The following PARD3 variants were observed in gnomAD, a reference collection of about 807,000 sequenced individuals.
PARD3 encodes par-3 family cell polarity regulator, also known as partitioning defective 3 homolog.
In PARD3, 75 loss-of-function variants were observed where a neutral mutation model predicts 155.4. The observed-to-expected ratio is 0.48, with a 90% confidence interval of 0.40 to 0.58. PARD3 has a LOEUF of 0.58. PARD3 is among the 20% of genes least tolerant of loss of function. PARD3 has a pLI of 0.00. For synonymous variants in PARD3, 576 were observed against 610.5 expected, an observed-to-expected ratio of 0.94 and a Z score of 0.83; for missense variants, 1,642 against 1,721.7, an observed-to-expected ratio of 0.95 and a Z score of 0.82.
At chr10:34,681,096 G>A (rs74847050) in intron 2 of PARD3, among the ~76,000 whole-genome samples, 3,110 of 152,010 alleles carry the variant, frequency 0.02, 106 homozygotes, top group African/African-American at 0.071. Context: ...AGTGTTATAC[G>A]ATGCAATATT....
intron 1 of PARD3, among the ~76,000 whole-genome samples, chr10:34,749,881 G>A (rs567473319): frequency 1.3e-5 from 2 of 152,190 alleles, no homozygotes; most frequent in East Asian, 1.9e-4. Context: ...AGTTAGCTAG[G>A]TGTGGTGGTG....
intron 2 of PARD3, among the ~76,000 whole-genome samples, chr10:34,655,329 A>C (rs2093136082): frequency 6.6e-6 from 1 of 152,058 alleles, no homozygotes; most frequent in East Asian, 1.9e-4. Flanking sequence ...TTTGTCTATA[A>C]ATTGTTCTAG....
intron 12 of PARD3, among the ~76,000 whole-genome samples, chr10:34,363,935 G>T (rs1282466949): frequency 6.6e-6 from 1 of 152,148 alleles, no homozygotes; most frequent in Non-Finnish European, 1.5e-5. Context: ...TGCTGAATGG[G>T]TATTGTGAAA....
intron 2 of PARD3, among the ~76,000 whole-genome samples, chr10:34,633,542 A>C (rs552708350): frequency 2.0e-5 from 3 of 152,306 alleles, no homozygotes; most frequent in Admixed American, 6.5e-5. Context: ...TTTATGACTG[A>C]CTAGTACTGC....
intron 2 of PARD3, among the ~76,000 whole-genome samples, chr10:34,591,857 C>T (rs2088725947): frequency 6.6e-6 from 1 of 152,124 alleles, no homozygotes; most frequent in Non-Finnish European, 1.5e-5. Flanking sequence ...CTAAACATGC[C>T]AGCTTCTGGG....
intron 22 of PARD3, among the ~76,000 whole-genome samples, chr10:34,135,754 T>A (rs1947861207): frequency 6.6e-6 from 1 of 152,196 alleles, no homozygotes. Context: ...CTATATGCAC[T>A]GTGTATATGA....
At chr10:34,606,462 G>T (rs1208790577) in intron 2 of PARD3, among the ~76,000 whole-genome samples, 3 of 151,662 alleles carry the variant, frequency 2.0e-5, no homozygotes, top group Non-Finnish European at 4.4e-5. Flanking sequence ...TGGTTGGTTG[G>T]TTTTTTCTGG....
At chr10:34,738,252 C>T (rs1366458920) in intron 1 of PARD3, among the ~76,000 whole-genome samples, 1 of 152,284 alleles carries the variant, frequency 6.6e-6, no homozygotes, top group East Asian at 1.9e-4. Flanking sequence ...AATAAGATAG[C>T]TGGAGGGAAT....
intron 3 of PARD3, among the ~76,000 whole-genome samples, chr10:34,485,049 A>G (rs554959491): frequency 1.3e-5 from 2 of 152,268 alleles, no homozygotes; most frequent in African/African-American, 4.8e-5. Context: ...ATCAATTTAG[A>G]AGTTTAGGCC....
chr10:34,179,631 A>G (rs1950184396), intron 22 of PARD3, among the ~76,000 whole-genome samples: 1 of 152,218 alleles, frequency 6.6e-6, no homozygotes, highest in Non-Finnish European at 1.5e-5. Flanking sequence ...TGCACAACTC[A>G]TACCAAATAC....
chr10:34,145,240 T>TTTTC (rs1227749914), intron 22 of PARD3, among the ~76,000 whole-genome samples: 1 of 124,812 alleles, frequency 8.0e-6, no homozygotes, highest in Non-Finnish European at 1.7e-5. Context: ...TTTTTTTTTT[T>TTTTC]TACAGGATCT....
At chr10:34,419,105 T>G (rs1246986756) in intron 5 of PARD3, among the ~76,000 whole-genome samples, 1 of 152,084 alleles carries the variant, frequency 6.6e-6, no homozygotes, top group African/African-American at 2.4e-5. Flanking sequence ...CATGTGTTCA[T>G]AAAATTAAAT....
chr10:34,764,841 T>C (rs999872238), intron 1 of PARD3, among the ~76,000 whole-genome samples: 1 of 152,314 alleles, frequency 6.6e-6, no homozygotes, highest in Non-Finnish European at 1.5e-5. Flanking sequence ...CCTGGCTGTC[T>C]TGTGTTTCTC....
At chr10:34,187,253 C>A (rs923194518) in intron 22 of PARD3, among the ~76,000 whole-genome samples, 2 of 152,156 alleles carry the variant, frequency 1.3e-5, no homozygotes, top group Admixed American at 1.3e-4. Context: ...GAGTACTGGG[C>A]AAGAAGTATA....
At chr10:34,720,294 G>A (rs565919010) in intron 1 of PARD3, among the ~76,000 whole-genome samples, 1 of 152,084 alleles carries the variant, frequency 6.6e-6, no homozygotes, top group East Asian at 1.9e-4. Flanking sequence ...AATTAGCCAG[G>A]TGTGGTGGTG....
chr10:34,779,989 C>T (rs539734800), intron 1 of PARD3, among the ~76,000 whole-genome samples: 86 of 152,290 alleles, frequency 5.6e-4, no homozygotes, highest in African/African-American at 1.8e-3. Context: ...CCGAGTGGCA[C>T]CTGAAATCAA....
At chr10:34,649,560 C>A (rs2092944715) in intron 2 of PARD3, among the ~76,000 whole-genome samples, 1 of 152,244 alleles carries the variant, frequency 6.6e-6, no homozygotes. Flanking sequence ...CCATGCAGGG[C>A]ACTCACCATG....
At position 34,439,394 on chromosome 10, in the gene PARD3, GA is replaced by G. The variant is rs955898869; in HGVS notation, c.714+10922del. Among the ~76,000 whole-genome samples, 519 of 138,912 alleles carry G rather than the reference GA, an allele frequency of 3.7e-3. 1 individual carries two copies. Among genetic ancestry groups the G allele is most frequent in the African/African-American group, 0.012 (462 of 37,972 alleles). 91.1% of individuals were successfully genotyped at this position (138,912 alleles called of 152,430 possible). ...AATTTGGAAATGACAGTAACTTGCA[GA>G]AAAAAAAAAAAGCTCAGTCTTCCAA... On this transcript the variant is annotated intron_variant, in intron 5 of 24. Transcript: ENST00000374788.
At position 34,277,143 on chromosome 10, in the gene PARD3, T is replaced by A. The variant is rs568772063; in HGVS notation, c.3176+6992A>T. 3.3e-5 allele frequency among the ~76,000 whole-genome samples: 5 copies of A among 152,258 alleles called. No individual in the cohort carries two copies. In the South Asian group the frequency reaches 8.3e-4, roughly 25 times the overall value. On this transcript the variant is annotated intron_variant, in intron 21 of 24. Transcript: ENST00000374788. Reference sequence around the variant, plus strand: ...GATCTTTTTCCAACAGTATTTCTTCTCTCAAAAAGTCAGTATTACAGAAAT... The same window carrying A: ...GATCTTTTTCCAACAGTATTTCTTCACTCAAAAAGTCAGTATTACAGAAAT...
Sources: gnomAD v4.1 joint callset for allele counts (sites outside exome capture counted in the v4.1 genomes callset) on GRCh38, gnomAD v4.1.1 for gene constraint, MANE v1.5 for transcripts, NCBI Gene and HGNC (gene_info 2026-07-23, HGNC 2026-07-21) for gene names.